The following PCDHGA8 variants were observed in gnomAD, a reference collection of about 807,000 sequenced individuals.
The protein encoded by PCDHGA8 is protocadherin gamma subfamily A, 8.
In PCDHGA8, 45 loss-of-function variants were observed where a neutral mutation model predicts 59.2. The ratio of observed to expected loss-of-function variants is 0.76; its 90% CI spans 0.60 to 0.98. The LOEUF (loss-of-function observed/expected upper bound fraction) is 0.98, where lower values mean the gene tolerates loss of function less well. Among genes scored for constraint, PCDHGA8 ranks in the 50% least tolerant of loss-of-function variants. The pLI is 0.00. For synonymous variants in PCDHGA8, 531 were observed against 519.0 expected (o/e 1.02, Z -0.32); for missense variants, 1,257 against 1,196.2 (o/e 1.05, Z -0.75).
intron 1 of PCDHGA8, among the ~76,000 whole-genome samples, chr5:141,448,274 T>G (rs2098579713): frequency 6.6e-6 from 1 of 152,196 alleles, no homozygotes; most frequent in South Asian, 2.1e-4. Context: ...TATATACTGT[T>G]GTGCAACTTG....
intron 1 of PCDHGA8, among the ~76,000 whole-genome samples, chr5:141,450,322 T>A (rs1246284108): frequency 6.6e-6 from 1 of 152,106 alleles, no homozygotes; most frequent in African/African-American, 2.4e-5. Context: ...CTAGTTGCCA[T>A]GTCTCTTTAA....
At chr5:141,404,771 C>A in intron 1 of PCDHGA8, 2 of 1,613,870 alleles carry the variant, frequency 1.2e-6, no homozygotes, top group African/African-American at 1.3e-5. Context: ...GCTCTCCTAC[C>A]GCCTATTCAA....
chr5:141,420,507 A>G (rs548077936), intron 1 of PCDHGA8: 1 of 428,282 alleles, frequency 2.3e-6, no homozygotes, highest in African/African-American at 2.0e-5. Context: ...TGACATTTTT[A>G]TGAAGTAAAA....
Position 141,510,985 on chromosome 5 carries a change from G to A in PCDHGA8, c.2611G>A (p.Gly871Ser), listed in dbSNP as rs1278517639. Residue 871 changes from glycine to serine, a missense_variant, in exon 4 of 4, where the codon GGC becomes AGC. Transcript: ENST00000398604. ...DGSSTLGGGA[G>S]TMGLSARYGP... ...GAGCTCCACCCTGGGAGGGGGTGCCGGCACCATGGGATTGAGCGCCCGCTA... is the reference window on the plus strand; with the variant it reads ...GAGCTCCACCCTGGGAGGGGGTGCCAGCACCATGGGATTGAGCGCCCGCTA... 19 of 1,614,090 alleles carry A rather than the reference G, an allele frequency of 1.2e-5. No individual in the cohort carries two copies. The highest frequency in any genetic ancestry group is 2.2e-5 in the East Asian group (1 of 44,880).
chr5:141,408,442 G>A lies in PCDHGA8; in HGVS notation c.2424+13205G>A, dbSNP rs774397781. On this transcript the variant is annotated intron_variant, in intron 1 of 3. Transcript: ENST00000398604. ...AGCTGCACTTCAGCGTAGACGCGGA[G>A]AGCGGGGACTTACTTGTGAAGAACC... is the stretch of plus-strand genomic sequence containing the variant. 8.7e-6 allele frequency: 14 copies of A among 1,614,080 alleles called. 1 individual carries two copies. The South Asian group carries it at 1.5e-4, about 18-fold the overall frequency.
rs1167955962 is a variant in PCDHGA8, at chr5:141,477,078, A to G, written c.2425-17729A>G. ...GAGGACACCAAACTCCATGAGATTT[A>G]CATCCAGGCCAAAGACAAGGGCGCC... On this transcript the variant is annotated intron_variant, in intron 1 of 3. Transcript: ENST00000398604. This position sits in a 1 kb window ranked among gnomAD's most constrained non-coding sequence, Gnocchi z 4.9. The G allele has an allele frequency of 6.8e-6, 11 of 1,614,262 alleles. No individual in the cohort carries two copies. In the South Asian group the frequency reaches 1.2e-4, roughly 18 times the overall value.
At position 141,450,051 on chromosome 5, in the gene PCDHGA8, G is replaced by C. The variant is rs576363410; in HGVS notation, c.2425-44756G>C. ...AGACAGGGTCTCACTCTTTCGCCCA[G>C]GCTGGAATGCAGTGGTATGATCTTG... On this transcript the variant is annotated intron_variant, in intron 1 of 3. Coordinates refer to ENST00000398604, the MANE Select transcript of PCDHGA8 (RefSeq NM_032088.2). Among the ~76,000 whole-genome samples, 362 of 139,654 alleles carry C rather than the reference G, an allele frequency of 2.6e-3. 1 individual carries two copies. Among genetic ancestry groups the C allele is most frequent in the South Asian group, 5.5e-3 (25 of 4,506 alleles). 91.6% of individuals were successfully genotyped at this position (139,654 alleles called of 152,430 possible). A position where few individuals can be genotyped will look rare whatever the true frequency, so the allele number is the denominator to read the frequency against.
intron 2 of PCDHGA8, among the ~76,000 whole-genome samples, chr5:141,497,661 T>A (rs1485909952): frequency 3.3e-5 from 5 of 151,062 alleles, no homozygotes; most frequent in African/African-American, 4.9e-5. Context: ...TGCCTCAGCC[T>A]CCCGAGTAGC....
chr5:141,484,763 T>C (rs2099600495), intron 1 of PCDHGA8, among the ~76,000 whole-genome samples: 1 of 151,872 alleles, frequency 6.6e-6, no homozygotes, highest in East Asian at 1.9e-4. Flanking sequence ...TATATATATA[T>C]ATGTTGTCTG....
intron 1 of PCDHGA8, among the ~76,000 whole-genome samples, chr5:141,443,297 A>G (rs1208893030): frequency 6.7e-6 from 1 of 148,196 alleles, no homozygotes; most frequent in East Asian, 2.0e-4. Context: ...CCTGGACAGC[A>G]TGGCAAAAAC....
intron 1 of PCDHGA8, chr5:141,417,959 C>A (rs759279387): frequency 5.0e-6 from 8 of 1,613,734 alleles, no homozygotes; most frequent in Non-Finnish European, 6.8e-6. Context: ...TGAGCCGATC[C>A]GCTACTCGAT....
chr5:141,453,752 T>C (rs1404363977), intron 1 of PCDHGA8, among the ~76,000 whole-genome samples: 10 of 152,364 alleles, frequency 6.6e-5, no homozygotes, highest in Admixed American at 5.9e-4. Flanking sequence ...AACATAAGTC[T>C]CCTAAAAATA....
At chr5:141,460,488 T>C (rs1226287742) in intron 1 of PCDHGA8, among the ~76,000 whole-genome samples, 1 of 152,186 alleles carries the variant, frequency 6.6e-6, no homozygotes, top group Admixed American at 6.6e-5. Flanking sequence ...ATTGTCTCTT[T>C]GGAAAAATAT....
In PCDHGA8 at chr5:141,477,472, C is replaced by T. The variant is rs764533834; in HGVS notation, c.2425-17335C>T. 1 of 1,614,156 alleles carries T rather than the reference C, an allele frequency of 6.2e-7. No homozygotes were observed. Among genetic ancestry groups the T allele is most frequent in the South Asian group, 1.1e-5 (1 of 91,080 alleles). Reference sequence around the variant, plus strand: ...GTGTTCAAGTGTCCGACATCAATGACAACCCTCCACAATCTTCTCAATCTT... The same window carrying T: ...GTGTTCAAGTGTCCGACATCAATGATAACCCTCCACAATCTTCTCAATCTT... On this transcript the variant is annotated intron_variant, in intron 1 of 3. Transcript: ENST00000398604. This position sits in a 1 kb window ranked among gnomAD's most constrained non-coding sequence, Gnocchi z 4.9.
chr5:141,403,741 T>G, intron 1 of PCDHGA8: 1 of 1,613,906 alleles, frequency 6.2e-7, no homozygotes. Context: ...GGCTGCTTAC[T>G]GCAACAGCCA....
intron 1 of PCDHGA8, chr5:141,423,559 G>T: frequency 6.2e-7 from 1 of 1,613,584 alleles, no homozygotes; most frequent in Non-Finnish European, 8.5e-7. Flanking sequence ...CAACTATGGG[G>T]ACACGCTCAT....
intron 1 of PCDHGA8, among the ~76,000 whole-genome samples, chr5:141,439,251 A>G (rs1467023466): frequency 6.6e-6 from 1 of 152,112 alleles, no homozygotes; most frequent in Non-Finnish European, 1.5e-5. Context: ...ATTTCAGCTG[A>G]AGATTCAGCC....
intron 1 of PCDHGA8, among the ~76,000 whole-genome samples, chr5:141,444,463 G>T (rs570185430): frequency 6.6e-6 from 1 of 152,144 alleles, no homozygotes; most frequent in Admixed American, 6.5e-5. Flanking sequence ...GAGTCACTGC[G>T]CCCGGTCGCG....
intron 1 of PCDHGA8, chr5:141,423,278 A>C: frequency 1.2e-6 from 2 of 1,613,940 alleles, no homozygotes; most frequent in Non-Finnish European, 1.7e-6. Flanking sequence ...TCTCTGGCTA[A>C]CTCTGAAACC....
Sources: gnomAD v4.1 joint callset for allele counts (sites outside exome capture counted in the v4.1 genomes callset) on GRCh38, gnomAD v4.1.1 for gene constraint, Gnocchi (gnomAD v3.1) non-coding constraint, MANE v1.5 for transcripts, NCBI Gene and HGNC (gene_info 2026-07-23, HGNC 2026-07-21) for gene names.